PFKFB3: variants seen among roughly 807,000 people sequenced by gnomAD.
The protein encoded by PFKFB3 is 6-phosphofructo-2-kinase/fructose-2,6-bisphosphatase 3.
Under a neutral mutation model 68.0 loss-of-function variants are expected in PFKFB3, and 33 were observed. That is an observed-to-expected ratio of 0.49 (90% confidence interval 0.37 to 0.65). The LOEUF is 0.65. PFKFB3 is among the 30% of genes least tolerant of loss of function. PFKFB3 has a pLI of 0.00. For missense variants in PFKFB3, 586 were observed against 712.2 expected, an observed-to-expected ratio of 0.82 and a Z score of 2.02; for synonymous variants, 315 against 288.2, an observed-to-expected ratio of 1.09 and a Z score of -0.94.
the PFKFB3 span, among the ~76,000 whole-genome samples, chr10:6,280,035 C>T: frequency 6.6e-6 from 1 of 152,142 alleles, no homozygotes; most frequent in Non-Finnish European, 1.5e-5. Flanking sequence ...CCACGCTGTC[C>T]GTGTCACACA....
the PFKFB3 span, among the ~76,000 whole-genome samples, chr10:6,296,546 G>A: frequency 3.3e-5 from 5 of 152,186 alleles, 1 homozygote; most frequent in African/African-American, 1.2e-4. Context: ...CACTTATTGT[G>A]ACTTCTGGAT....
chr10:6,309,329 C>T, the PFKFB3 span, among the ~76,000 whole-genome samples: 40 of 152,004 alleles, frequency 2.6e-4, no homozygotes, highest in Non-Finnish European at 4.4e-4. Flanking sequence ...TTTGGGAGGC[C>T]GAAGTGTGTG....
chr10:6,262,490 G>T, the PFKFB3 span, among the ~76,000 whole-genome samples: 1 of 146,018 alleles, frequency 6.8e-6, no homozygotes, highest in African/African-American at 2.5e-5. Context: ...GCTGTCTTTG[G>T]ATATTTTCAA....
the PFKFB3 span, among the ~76,000 whole-genome samples, chr10:6,298,385 T>C: frequency 6.6e-6 from 1 of 151,920 alleles, no homozygotes; most frequent in Non-Finnish European, 1.5e-5. Flanking sequence ...TTTTTTTTTT[T>C]TTCTTTTTTT....
At chr10:6,248,737 G>A (rs1332785410) in intron 14 of PFKFB3, among the ~76,000 whole-genome samples, 2 of 151,016 alleles carry the variant, frequency 1.3e-5, no homozygotes, top group African/African-American at 4.9e-5. Flanking sequence ...TATTACTAAT[G>A]TTGATTAATG....
the PFKFB3 span, among the ~76,000 whole-genome samples, chr10:6,303,577 G>A: frequency 6.6e-6 from 1 of 152,122 alleles, no homozygotes; most frequent in Non-Finnish European, 1.5e-5. Context: ...CACTTTGGGA[G>A]GCCGAGGCGG....
chr10:6,210,624 A>G (rs112474569), intron 1 of PFKFB3, among the ~76,000 whole-genome samples: 3,620 of 6,208 alleles, frequency 0.58, 1,391 homozygotes, highest in East Asian at 0.93. Flanking sequence ...TAGCCAGGAT[A>G]GTCTTGATAG....
the PFKFB3 span, chr10:6,293,943 C>T: frequency 6.0e-6 from 3 of 497,340 alleles, no homozygotes; most frequent in Non-Finnish European, 1.2e-5. Context: ...CATCTTGGTC[C>T]TTATGGCTTC....
intron 11 of PFKFB3, 148 bp downstream of exon 11, chr10:6,223,132 C>T: frequency 2.7e-6 from 2 of 733,394 alleles, no homozygotes; most frequent in Non-Finnish European, 4.3e-6. Flanking sequence ...CGGCTCCCGG[C>T]TGCTTCAGGT....
Position 6,154,527 on chromosome 10 carries a change from C to T in PFKFB3, c.16+9514C>T, listed in dbSNP as rs955469821. Among the ~76,000 whole-genome samples, 10 of 152,134 alleles carry T rather than the reference C, an allele frequency of 6.6e-5. No homozygotes were observed. The highest frequency in any genetic ancestry group is 1.0e-4 in the Non-Finnish European group (7 of 68,020). On this transcript the variant is annotated intron_variant, in intron 1 of 14. Coordinates refer to the PFKFB3 transcript ENST00000379789. The surrounding 1 kb of genome is among the most constrained non-coding windows in gnomAD (Gnocchi z 4.6). Reference sequence around the variant, plus strand: ...CCTTCCAAAGTGCTGGGATCATAGGCGCGAGCCACCGCGCCTGGTGGGCTG... The same window carrying T: ...CCTTCCAAAGTGCTGGGATCATAGGTGCGAGCCACCGCGCCTGGTGGGCTG...
intron 14 of PFKFB3, among the ~76,000 whole-genome samples, chr10:6,244,952 G>A (rs181159263): frequency 6.6e-6 from 1 of 152,252 alleles, no homozygotes; most frequent in Admixed American, 6.5e-5. Flanking sequence ...AGTCTTAGAA[G>A]CCCAGTTTGC....
At chr10:6,224,298 G>C in intron 13 of PFKFB3, 85 bp downstream of exon 13, 1 of 1,373,790 alleles carries the variant, frequency 7.3e-7, no homozygotes, top group Non-Finnish European at 1.0e-6. Context: ...CCCCGGGGCC[G>C]CTTGCCTGCA....
chr10:6,199,422 C>A (rs1450570127), upstream of PFKFB3, among the ~76,000 whole-genome samples: 1 of 152,036 alleles, frequency 6.6e-6, no homozygotes, highest in East Asian at 1.9e-4. Context: ...CTCCACTGTC[C>A]TCTCAAGGCT....
chr10:6,218,291 CTCTT>C (rs1020945077), intron 6 of PFKFB3, among the ~76,000 whole-genome samples: 3 of 151,868 alleles, frequency 2.0e-5, no homozygotes, highest in Non-Finnish European at 2.9e-5. Flanking sequence ...GTTCAGAAAT[CTCTT>C]TCTGATGAAA....
rs1564633857 is a variant in PFKFB3, at chr10:6,220,891, C to CGT, written c.831+27_831+28dup. 2 of 1,601,294 alleles carry CGT rather than the reference C, an allele frequency of 1.2e-6. No individual in the cohort carries two copies. Among genetic ancestry groups the CGT allele is most frequent in the Non-Finnish European group, 1.7e-6 (2 of 1,175,440 alleles). ...GTGCGGGGTGTGCTGCCGCATGGGC[C>CGT]GTTCTGGCTGTAGGGCGGTTGCAGG... is the stretch of plus-strand genomic sequence containing the variant. On this transcript the variant is annotated intron_variant, in intron 8 of 14. Transcript: ENST00000379775. The surrounding 1 kb of genome is among the most constrained non-coding windows in gnomAD (Gnocchi z 4.1).
the PFKFB3 span, among the ~76,000 whole-genome samples, chr10:6,318,415 T>TC: frequency 1.3e-5 from 2 of 152,192 alleles, no homozygotes; most frequent in East Asian, 3.9e-4. Context: ...GATGATTTTA[T>TC]CCCTCGGAAA....
At chr10:6,311,707 C>T in the PFKFB3 span, among the ~76,000 whole-genome samples, 1 of 151,982 alleles carries the variant, frequency 6.6e-6, no homozygotes, top group Admixed American at 6.5e-5. Context: ...CAAGATTGCA[C>T]CACTGCACGT....
rs570845140 is a variant in PFKFB3, at chr10:6,146,470, C to T, written c.16+1457C>T. 79 of 1,535,670 alleles carry T rather than the reference C, an allele frequency of 5.1e-5. No homozygotes were observed. In the South Asian group the frequency reaches 8.6e-4, roughly 17 times the overall value. On this transcript the variant is annotated intron_variant, in intron 1 of 14. Transcript: ENST00000379789. ...CTGGACACGTTTAGTCCCAAGGCCA[C>T]TGTCTTCGGTGTCTCCATTAATCCA...
At chr10:6,224,093 A>G in intron 12 of PFKFB3, 56 bp from the exon 13 acceptor site, 1 of 1,611,852 alleles carries the variant, frequency 6.2e-7, no homozygotes, top group Non-Finnish European at 8.5e-7. Context: ...CGTGGGCTGT[A>G]AGCGGTGCTG....
Sources: gnomAD v4.1 joint callset for allele counts (sites outside exome capture counted in the v4.1 genomes callset) on GRCh38, gnomAD v4.1.1 for gene constraint, Gnocchi (gnomAD v3.1) non-coding constraint, MANE v1.5 for transcripts, NCBI Gene and HGNC (gene_info 2026-07-23, HGNC 2026-07-21) for gene names.